The following INSYN2A variants were observed in gnomAD, a reference collection of about 807,000 sequenced individuals.
INSYN2A encodes family with sequence similarity 196 member A.
A neutral mutation model predicts 39.4 loss-of-function variants in INSYN2A; 17 were observed. The ratio of observed to expected loss-of-function variants is 0.43; its 90% CI spans 0.30 to 0.65. The LOEUF (loss-of-function observed/expected upper bound fraction) is 0.65, where lower values mean the gene tolerates loss of function less well. Ranked by LOEUF, INSYN2A falls within the 30% of genes least tolerant of loss-of-function variation. INSYN2A has a pLI of 0.14. For synonymous variants in INSYN2A, 255 were observed against 265.7 expected (o/e 0.96, Z 0.39); for missense variants, 595 against 631.2 (o/e 0.94, Z 0.61).
chr10:127,146,386 A>T (rs2051855581), intron 5 of INSYN2A, among the ~76,000 whole-genome samples: 1 of 152,238 alleles, frequency 6.6e-6, no homozygotes, highest in African/African-American at 2.4e-5. Context: ...AGTAAAAATG[A>T]CTAAACCTAA....
intron 4 of INSYN2A, among the ~76,000 whole-genome samples, chr10:127,159,636 A>G (rs371232072): frequency 1.3e-5 from 2 of 152,152 alleles, no homozygotes; most frequent in East Asian, 3.9e-4. Context: ...TTGTATATTT[A>G]TTTTAAAAAC....
chr10:127,187,720 AAGAAAGAGAGAAAGAAAGAAAGAAAGAG>A (rs1191852448), intron 2 of INSYN2A, among the ~76,000 whole-genome samples: 6 of 135,758 alleles, frequency 4.4e-5, no homozygotes, highest in East Asian at 5.0e-4. Flanking sequence ...AAACAAGGAG[AAGAAAGAGAGAAAGAAAGAAAGAAAGAG>A]AGAAAGAGAG....
intron 4 of INSYN2A, among the ~76,000 whole-genome samples, chr10:127,155,264 A>C (rs1330328123): frequency 6.6e-6 from 1 of 151,980 alleles, no homozygotes; most frequent in African/African-American, 2.4e-5. Context: ...TGTCTGTTAC[A>C]TCAACATTTG....
intron 4 of INSYN2A, among the ~76,000 whole-genome samples, chr10:127,156,821 G>T (rs924868901): frequency 1.3e-5 from 2 of 152,076 alleles, no homozygotes; most frequent in African/African-American, 4.8e-5. Flanking sequence ...TCCCGCCTCG[G>T]CCTCCCAAAG....
chr10:127,190,504 C>T (rs2056640838), intron 2 of INSYN2A, among the ~76,000 whole-genome samples: 1 of 147,778 alleles, frequency 6.8e-6, no homozygotes, highest in Non-Finnish European at 1.5e-5. Flanking sequence ...TATGCTTAGT[C>T]ATTTAAGGAT....
At chr10:127,144,265 C>T (rs1177840700) in intron 5 of INSYN2A, among the ~76,000 whole-genome samples, 2 of 152,170 alleles carry the variant, frequency 1.3e-5, no homozygotes, top group African/African-American at 4.8e-5. Flanking sequence ...GTCACTCCTT[C>T]TTTCTGTGGA....
chr10:127,170,318 CT>C lies in INSYN2A; in HGVS notation c.1184+4893del, dbSNP rs2054450580. Among the ~76,000 whole-genome samples the C allele has an allele frequency of 1.3e-5, 2 of 152,282 alleles. 1 individual carries two copies. Among genetic ancestry groups the C allele is most frequent in the African/African-American group, 4.8e-5 (2 of 41,566 alleles). ...CTACCTGCTGGTCATGTTTAAGGGC[CT>C]GGGGTCCTCTTGCTCTCTCCCCCTA... On this transcript the variant is annotated intron_variant, in intron 4 of 5. Transcript: ENST00000522781.
intron 5 of INSYN2A, among the ~76,000 whole-genome samples, chr10:127,148,164 G>A (rs2133409011): frequency 6.6e-6 from 1 of 152,162 alleles, no homozygotes; most frequent in African/African-American, 2.4e-5. Context: ...GACAAGTGGT[G>A]TGGAGCCTTG....
intron 4 of INSYN2A, among the ~76,000 whole-genome samples, chr10:127,174,164 A>G (rs2054844840): frequency 6.6e-6 from 1 of 152,232 alleles, no homozygotes; most frequent in Non-Finnish European, 1.5e-5. Context: ...GGCTTATTTC[A>G]GGCTGGCTTC....
At chr10:127,194,700 C>T (rs1244923010) in intron 1 of INSYN2A, among the ~76,000 whole-genome samples, 1 of 152,154 alleles carries the variant, frequency 6.6e-6, no homozygotes, top group Non-Finnish European at 1.5e-5. Context: ...AAAGGTAACC[C>T]TCTAGCAAGT....
At chr10:127,153,955 C>T (rs34225417) in intron 4 of INSYN2A, 32 bp from the exon 5 acceptor site, 393,541 of 1,569,612 alleles carry the variant, frequency 0.25, 52,897 homozygotes, top group South Asian at 0.31. Context: ...GCATTACAAG[C>T]GGTGGCTGGG....
At position 127,196,100 on chromosome 10, in the gene INSYN2A, G is replaced by C. The variant is rs2057117561; in HGVS notation, c.-498C>G. Reference sequence around the variant, plus strand: ...GGGGCGGCACGGAGCACTCCGGACAGGGCATCCGCGGCCAGACTCGCCGCG... The same window carrying C: ...GGGGCGGCACGGAGCACTCCGGACACGGCATCCGCGGCCAGACTCGCCGCG... On this transcript the variant is annotated 5_prime_UTR_variant, in exon 1 of 6. Transcript: ENST00000522781. 1 of 152,102 alleles carries C rather than the reference G, an allele frequency of 6.6e-6. No homozygotes were observed. The highest frequency in any genetic ancestry group is 1.5e-5 in the Non-Finnish European group (1 of 68,048). The allele number at this position is 152,102 out of a possible 1,614,324, so 9.4% of individuals were successfully genotyped here.
intron 2 of INSYN2A, among the ~76,000 whole-genome samples, chr10:127,186,767 C>T (rs1208212599): frequency 2.6e-5 from 4 of 151,822 alleles, no homozygotes; most frequent in Admixed American, 2.0e-4. Context: ...TTGAGATGAA[C>T]GTGGAGAGGA....
intron 5 of INSYN2A, among the ~76,000 whole-genome samples, chr10:127,140,124 A>G (rs1210227509): frequency 6.6e-6 from 1 of 152,168 alleles, no homozygotes; most frequent in Non-Finnish European, 1.5e-5. Flanking sequence ...ATTAGAACAG[A>G]GAGAAGGCGC....
In INSYN2A at chr10:127,137,814, C is replaced by T. The variant is rs563883859; in HGVS notation, c.*23G>A. ...CTCCAGTGGGTTCTAAAGACGGCCT[C>T]GAGACTCCAGACACCGTGAGTGTTA... On this transcript the variant is annotated 3_prime_UTR_variant, in exon 6 of 6. Transcript: ENST00000522781. The T allele has an allele frequency of 4.6e-5, 73 of 1,597,878 alleles. No individual in the cohort carries two copies. Among genetic ancestry groups the T allele is most frequent in the Non-Finnish European group, 6.0e-5 (70 of 1,173,962 alleles).
Position 127,135,518 on chromosome 10 carries a change from C to G in INSYN2A, c.*2319G>C, listed in dbSNP as rs536788644. 1.0e-4 allele frequency: 16 copies of G among 152,584 alleles called. No homozygotes were observed. The highest frequency in any genetic ancestry group is 2.1e-4 in the Non-Finnish European group (14 of 68,024). 9.5% of individuals were successfully genotyped at this position (152,584 alleles called of 1,614,324 possible). ...TCTATATGCAATGCCATGTGTACAT[C>G]TACATAAGGGAACCCTGTGCGTTTT... On this transcript the variant is annotated 3_prime_UTR_variant, in exon 6 of 6. Coordinates refer to ENST00000522781, the MANE Select transcript of INSYN2A (RefSeq NM_001039762.3).
At chr10:127,179,787 A>T (rs1404014558) in intron 2 of INSYN2A, among the ~76,000 whole-genome samples, 1 of 152,230 alleles carries the variant, frequency 6.6e-6, no homozygotes, top group South Asian at 2.1e-4. Context: ...GCATTTATTC[A>T]GCAAGTGAAT....
At chr10:127,154,969 T>A (rs2052896163) in intron 4 of INSYN2A, among the ~76,000 whole-genome samples, 1 of 152,186 alleles carries the variant, frequency 6.6e-6, no homozygotes, top group Non-Finnish European at 1.5e-5. Context: ...CTCTCTGACA[T>A]TTTTAACATG....
intron 1 of INSYN2A, among the ~76,000 whole-genome samples, chr10:127,195,017 A>T (rs980753596): frequency 6.6e-6 from 1 of 152,066 alleles, no homozygotes; most frequent in African/African-American, 2.4e-5. Flanking sequence ...AGCAAAACGC[A>T]CCCATTTTCT....
Sources: gnomAD v4.1 joint callset for allele counts (sites outside exome capture counted in the v4.1 genomes callset) on GRCh38, gnomAD v4.1.1 for gene constraint, MANE v1.5 for transcripts, NCBI Gene and HGNC (gene_info 2026-07-23, HGNC 2026-07-21) for gene names.